Variants in CARF observed in about 807,000 individuals in gnomAD.
The protein encoded by CARF is calcium-responsive transcription factor.
Under a neutral mutation model 82.0 loss-of-function variants are expected in CARF, and 57 were observed. That is an observed-to-expected ratio of 0.70 (90% CI 0.56 to 0.87). The LOEUF is 0.87. Ranked by LOEUF, CARF falls within the 40% of genes least tolerant of loss-of-function variation. The probability of loss-of-function intolerance (pLI) is 0.00; values close to 1 mark genes in which losing one functional copy is unlikely to be tolerated. For synonymous variants in CARF, 268 were observed against 290.1 expected (o/e 0.92, Z 0.77); for missense variants, 771 against 855.8 (o/e 0.90, Z 1.24).
At chr2:202,937,745 C>A (rs956532977) in intron 3 of CARF, among the ~76,000 whole-genome samples, 4 of 152,018 alleles carry the variant, frequency 2.6e-5, no homozygotes, top group African/African-American at 7.3e-5. Flanking sequence ...TTGCCCCAGC[C>A]TCCCAAGTAA....
intron 8 of CARF, among the ~76,000 whole-genome samples, chr2:202,960,752 GCCTTCCCTCCTTCTCT>G (rs1168230618): frequency 6.9e-6 from 1 of 145,326 alleles, no homozygotes; most frequent in Non-Finnish European, 1.5e-5. Context: ...CCGCCTTCCT[GCCTTCCCTCCTTCTCT>G]CCTTCCCTCC....
At chr2:202,969,316 C>T (rs1306943380) in intron 10 of CARF, among the ~76,000 whole-genome samples, 1 of 152,120 alleles carries the variant, frequency 6.6e-6, no homozygotes, top group African/African-American at 2.4e-5. Context: ...CAGCTCATGC[C>T]TGTAATCCCA....
At chr2:202,949,479 T>C (rs2058654727) in intron 5 of CARF, among the ~76,000 whole-genome samples, 1 of 148,162 alleles carries the variant, frequency 6.7e-6, no homozygotes, top group African/African-American at 2.4e-5. Context: ...TAAAGAAATA[T>C]ACCTTCCTTT....
chr2:202,941,948 G>A lies in CARF; in HGVS notation c.46G>A (p.Glu16Lys). 8 of 1,613,638 alleles carry A rather than the reference G, an allele frequency of 5.0e-6. No homozygotes were observed. Among genetic ancestry groups the A allele is most frequent in the Non-Finnish European group, 6.8e-6 (8 of 1,179,748 alleles). Residue 16 changes from glutamate to lysine, a missense_variant, in exon 4 of 17, where the codon GAA becomes AAA. Glu to Lys is a moderately conservative substitution (Grantham distance 56). Transcript: ENST00000438828. ...DSLRVNHNDG[E>K]ESKTSAQVFE... ...ATTAAGAGTCAACCATAATGACGGT[G>A]AAGAGTCAAAAACCAGTGCTCAAGT...
At chr2:202,977,126 G>T in intron 13 of CARF, 143 bp from the exon 14 acceptor site, 2 of 635,228 alleles carry the variant, frequency 3.1e-6, no homozygotes, top group Admixed American at 5.8e-5. Flanking sequence ...GTATACTTGT[G>T]CTTGAAGAAT....
At chr2:202,979,461 A>G (rs1356750092) in intron 14 of CARF, among the ~76,000 whole-genome samples, 1 of 152,104 alleles carries the variant, frequency 6.6e-6, no homozygotes, top group African/African-American at 2.4e-5. Flanking sequence ...CCATTGAGAA[A>G]GGACTCTTAA....
chr2:202,948,108 GA>G (rs772407201), intron 5 of CARF, among the ~76,000 whole-genome samples: 30 of 152,122 alleles, frequency 2.0e-4, no homozygotes, highest in Non-Finnish European at 3.8e-4. Context: ...ACTTAGCAGG[GA>G]GTTGTCTCCC....
rs1574592019 is a variant in CARF, at chr2:202,942,688, C to T, written c.79-52C>T. 2.2e-6 allele frequency: 3 copies of T among 1,361,732 alleles called. No homozygotes were observed. In the East Asian group the frequency reaches 7.2e-5, roughly 33 times the overall value. 84.4% of individuals were successfully genotyped at this position (1,361,732 alleles called of 1,614,324 possible). A position where few individuals can be genotyped will look rare whatever the true frequency, so the allele number is the denominator to read the frequency against. ...GTCTTTTCATTTTTATTATACACAT[C>T]TTTAAAAAAAATGGTGATAGACTGA... On this transcript the variant is annotated intron_variant, in intron 4 of 16. Coordinates refer to ENST00000438828, the MANE Select transcript of CARF (RefSeq NM_024744.17).
intron 8 of CARF, among the ~76,000 whole-genome samples, chr2:202,958,781 T>G (rs1424050104): frequency 1.3e-5 from 2 of 152,000 alleles, no homozygotes; most frequent in Non-Finnish European, 2.9e-5. Context: ...GGCGCATGCC[T>G]GTAGTCCCAG....
At chr2:202,949,979 C>A (rs1314911444) in intron 5 of CARF, among the ~76,000 whole-genome samples, 1 of 152,096 alleles carries the variant, frequency 6.6e-6, no homozygotes, top group Admixed American at 6.6e-5. Flanking sequence ...ACACAAAGGG[C>A]CTAGTAGGTA....
At chr2:202,973,872 G>A (rs997640282) in intron 12 of CARF, among the ~76,000 whole-genome samples, 5 of 152,144 alleles carry the variant, frequency 3.3e-5, no homozygotes, top group African/African-American at 9.7e-5. Context: ...CGGATCGCGA[G>A]GTTAGGAGAT....
chr2:202,973,638 C>A (rs2059900369), intron 12 of CARF: 1 of 289,066 alleles, frequency 3.5e-6, no homozygotes, highest in Admixed American at 4.7e-5. Context: ...TTAGTTCTAT[C>A]ATCTGTAAAG....
intron 3 of CARF, among the ~76,000 whole-genome samples, chr2:202,938,990 A>C (rs916166991): frequency 1.3e-5 from 2 of 152,236 alleles, no homozygotes. Context: ...AGTCTGTCTT[A>C]TCTCTCTTTC....
chr2:202,984,675 T>G lies in CARF; in HGVS notation c.*1051T>G, dbSNP rs1043903395. 6.6e-6 allele frequency: 1 copy of G among 152,210 alleles called. No individual in the cohort carries two copies. The highest frequency in any genetic ancestry group is 6.5e-5 in the Admixed American group (1 of 15,274). The allele number at this position is 152,210 out of a possible 1,614,324, so 9.4% of individuals were successfully genotyped here. On this transcript the variant is annotated 3_prime_UTR_variant, in exon 17 of 17. Transcript: ENST00000438828. ...ATTTAAAACTTTAAAACATCTGATC[T>G]GGGATTTTTTTGTTAAGTAAGTATA...
Position 202,969,854 on chromosome 2 carries a change from TGATAA to T in CARF, c.954-60_954-56del, listed in dbSNP as rs537453200. The stretch of plus-strand genomic sequence containing the variant: ...TAAATGCTTAAAGTAGACTTCTGGT[TGATAA>T]GATAGATTATCTTGAGATTATAATA... On this transcript the variant is annotated intron_variant, in intron 10 of 16. Coordinates refer to ENST00000438828, the MANE Select transcript of CARF (RefSeq NM_024744.17). The T allele has an allele frequency of 6.7e-4, 726 of 1,078,816 alleles. 7 individuals are homozygous for T. The African/African-American group carries it at 0.01, about 15-fold the overall frequency. The allele number at this position is 1,078,816 out of a possible 1,614,324, so 66.8% of individuals were successfully genotyped here. A position where few individuals can be genotyped will look rare whatever the true frequency, so the allele number is the denominator to read the frequency against.
rs1294612766 is a variant in CARF at position 202,974,510 on chromosome 2, C to T, written c.1494+14C>T. The T allele has an allele frequency of 1.3e-6, 2 of 1,579,340 alleles. No individual in the cohort carries two copies. The highest frequency in any genetic ancestry group is 2.3e-5 in the East Asian group (1 of 43,606). ...ATTCCAGCAACGGTATGATTACAAC[C>T]ATAATTCCTTATTACAGAGTCTTTC... On this transcript the variant is annotated intron_variant, in intron 13 of 16. Transcript: ENST00000438828.
At chr2:202,933,712 G>A (rs1693400687) in intron 3 of CARF, among the ~76,000 whole-genome samples, 1 of 152,056 alleles carries the variant, frequency 6.6e-6, no homozygotes, top group Non-Finnish European at 1.5e-5. Context: ...TTGTCTTTGT[G>A]GGGGAAATGA....
At chr2:202,953,318 T>C (rs1431146947) in intron 6 of CARF, among the ~76,000 whole-genome samples, 1 of 151,968 alleles carries the variant, frequency 6.6e-6, no homozygotes, top group African/African-American at 2.4e-5. Flanking sequence ...GCCCAGCCAT[T>C]TATATCTTTA....
intron 12 of CARF, 66 bp downstream of exon 12, chr2:202,971,804 G>A: frequency 8.6e-7 from 1 of 1,157,360 alleles, no homozygotes; most frequent in Non-Finnish European, 1.3e-6. Context: ...ATAATACAGT[G>A]AACATTGGAG....
Sources: allele counts gnomAD v4.1 joint callset (sites outside exome capture counted in the v4.1 genomes callset), GRCh38; gene constraint gnomAD v4.1.1; transcripts MANE v1.5; gene names NCBI Gene and HGNC (gene_info 2026-07-23, HGNC 2026-07-21).